ZBTB16: variants seen among roughly 807,000 people sequenced by gnomAD.
ZBTB16 encodes zinc finger and BTB domain-containing protein 16.
Under a neutral mutation model 56.8 loss-of-function variants are expected in ZBTB16, and 8 were observed. The ratio of observed to expected loss-of-function variants is 0.14; its 90% confidence interval spans 0.08 to 0.25. The LOEUF (loss-of-function observed/expected upper bound fraction) is 0.25. Ranked by LOEUF, ZBTB16 falls within the 10% of genes least tolerant of loss-of-function variation. ZBTB16 has a pLI of 1.00. For synonymous variants in ZBTB16, 363 were observed against 368.5 expected, an observed-to-expected ratio of 0.98 and a Z score of 0.17; for missense variants, 625 against 903.0, an observed-to-expected ratio of 0.69 and a Z score of 3.95.
At chr11:114,072,076 A>G (rs897384213) in intron 2 of ZBTB16, among the ~76,000 whole-genome samples, 1 of 152,216 alleles carries the variant, frequency 6.6e-6, no homozygotes, top group Non-Finnish European at 1.5e-5. Flanking sequence ...TTGCTAGGGT[A>G]TTTTTCTTGT....
chr11:114,101,492 G>A (rs188092693), intron 2 of ZBTB16, among the ~76,000 whole-genome samples: 323 of 152,200 alleles, frequency 2.1e-3, no homozygotes, highest in Non-Finnish European at 3.8e-3. Context: ...TTTTGTGAAG[G>A]GTTTGATATA....
At chr11:114,085,990 G>A (rs180881676) in intron 2 of ZBTB16, among the ~76,000 whole-genome samples, 3 of 152,292 alleles carry the variant, frequency 2.0e-5, no homozygotes, top group Admixed American at 2.0e-4. Context: ...GATGTCCTCA[G>A]CCTTCTACGT....
chr11:114,195,382 T>C (rs1249073174), intron 4 of ZBTB16, among the ~76,000 whole-genome samples: 1 of 152,094 alleles, frequency 6.6e-6, no homozygotes, highest in African/African-American at 2.4e-5. Context: ...GGGCCAGGGC[T>C]GGTCTGTGTG....
At chr11:114,207,224 G>A (rs995508709) in intron 4 of ZBTB16, among the ~76,000 whole-genome samples, 2 of 152,126 alleles carry the variant, frequency 1.3e-5, no homozygotes, top group African/African-American at 4.8e-5. Flanking sequence ...GCTACACAGT[G>A]AAATCATTTA....
At position 114,250,172 on chromosome 11, in the gene ZBTB16, C is replaced by T. The variant is rs1323955246; in HGVS notation, c.1793-154C>T. Among the ~76,000 whole-genome samples, 1 of 152,154 alleles carries T rather than the reference C, an allele frequency of 6.6e-6. No homozygotes were observed. The highest frequency in any genetic ancestry group is 1.5e-5 in the Non-Finnish European group (1 of 68,032). Reference sequence around the variant, plus strand: ...ATAGCCATGTGTGACTGGTGGCTGCCGTCTTGGGTGGTGCCTTCATTGTCC... The same window carrying T: ...ATAGCCATGTGTGACTGGTGGCTGCTGTCTTGGGTGGTGCCTTCATTGTCC... On this transcript the variant is annotated intron_variant, in intron 6 of 6. Coordinates refer to ENST00000335953, the MANE Select transcript of ZBTB16 (RefSeq NM_006006.6). This position sits in a 1 kb window ranked among gnomAD's most constrained non-coding sequence, Gnocchi z 6.0.
chr11:114,088,924 C>G (rs886103910), intron 2 of ZBTB16, among the ~76,000 whole-genome samples: 2 of 152,138 alleles, frequency 1.3e-5, no homozygotes, highest in Non-Finnish European at 2.9e-5. Context: ...GGGGCCCCCC[C>G]ACACAATGCC....
chr11:114,142,539 G>A (rs1016594420), intron 2 of ZBTB16, among the ~76,000 whole-genome samples: 2 of 152,226 alleles, frequency 1.3e-5, no homozygotes, highest in African/African-American at 2.4e-5. Flanking sequence ...CATAAATTTG[G>A]AATTTATCGC....
At chr11:114,234,299 A>T (rs1158234601) in intron 4 of ZBTB16, among the ~76,000 whole-genome samples, 2 of 152,208 alleles carry the variant, frequency 1.3e-5, no homozygotes, top group Non-Finnish European at 2.9e-5. Context: ...ATGTAACTGA[A>T]CGCCTCAGCA....
At chr11:114,142,030 T>C (rs184323660) in intron 2 of ZBTB16, among the ~76,000 whole-genome samples, 2 of 152,350 alleles carry the variant, frequency 1.3e-5, no homozygotes, top group African/African-American at 2.4e-5. Context: ...GATGATGTTA[T>C]GCTCTTGGCT....
chr11:114,171,991 AG>A (rs1390114398), intron 3 of ZBTB16, among the ~76,000 whole-genome samples: 1 of 152,254 alleles, frequency 6.6e-6, no homozygotes, highest in Non-Finnish European at 1.5e-5. Flanking sequence ...AAAGGGAGAC[AG>A]GAGCAGCAGG....
At chr11:114,077,382 C>T (rs538391513) in intron 2 of ZBTB16, among the ~76,000 whole-genome samples, 6 of 152,288 alleles carry the variant, frequency 3.9e-5, no homozygotes, top group African/African-American at 7.2e-5. Context: ...GGCCACCTCC[C>T]GCCTCTTTCC....
chr11:114,093,948 G>A (rs544978863), intron 2 of ZBTB16, among the ~76,000 whole-genome samples: 2 of 152,352 alleles, frequency 1.3e-5, no homozygotes, highest in Admixed American at 1.3e-4. Context: ...GTTTGGAATA[G>A]TGACAACGTC....
At chr11:114,234,287 A>G (rs1944517146) in intron 4 of ZBTB16, among the ~76,000 whole-genome samples, 1 of 152,236 alleles carries the variant, frequency 6.6e-6, no homozygotes, top group Non-Finnish European at 1.5e-5. Flanking sequence ...TGGTTTGGGA[A>G]GATGTAACTG....
chr11:114,139,901 A>G (rs112324561), intron 2 of ZBTB16, among the ~76,000 whole-genome samples: 28 of 152,194 alleles, frequency 1.8e-4, no homozygotes, highest in Non-Finnish European at 3.4e-4. Context: ...CTGTAGTACC[A>G]TATGTCAGGA....
intron 5 of ZBTB16, among the ~76,000 whole-genome samples, chr11:114,243,577 G>T (rs549347186): frequency 2.1e-4 from 32 of 152,210 alleles, no homozygotes; most frequent in Non-Finnish European, 4.1e-4. Flanking sequence ...CAGGACGGAG[G>T]TAGGGCCCAG....
chr11:114,194,953 T>C (rs934627264), intron 4 of ZBTB16, among the ~76,000 whole-genome samples: 5 of 152,234 alleles, frequency 3.3e-5, no homozygotes, highest in African/African-American at 1.2e-4. Flanking sequence ...GTAATATAAA[T>C]TGCTGCATCA....
rs529909187 is a variant in ZBTB16 at position 114,243,366 on chromosome 11, C to T, written c.1624+1029C>T. 2.6e-5 allele frequency among the ~76,000 whole-genome samples: 4 copies of T among 152,304 alleles called. No individual in the cohort carries two copies. In the South Asian group the frequency reaches 8.3e-4, roughly 32 times the overall value. The stretch of plus-strand genomic sequence containing the variant: ...ACAGCTCAGAGATTGAGTATGCAGA[C>T]CAGGTCTTGCATGGGTGGCAGGCTC... On this transcript the variant is annotated intron_variant, in intron 5 of 6. Coordinates refer to ENST00000335953, the MANE Select transcript of ZBTB16 (RefSeq NM_006006.6).
At chr11:114,171,301 T>G (rs910930586) in intron 3 of ZBTB16, among the ~76,000 whole-genome samples, 1 of 152,264 alleles carries the variant, frequency 6.6e-6, no homozygotes, top group East Asian at 1.9e-4. Context: ...GGGGATCTTT[T>G]CTAGCCCATA....
At chr11:114,171,803 C>G (rs897786033) in intron 3 of ZBTB16, among the ~76,000 whole-genome samples, 1 of 152,254 alleles carries the variant, frequency 6.6e-6, no homozygotes, top group African/African-American at 2.4e-5. Flanking sequence ...CTTCCTTCCT[C>G]CATCTCAACA....
Sources: gnomAD v4.1 joint callset for allele counts (sites outside exome capture counted in the v4.1 genomes callset) on GRCh38, gnomAD v4.1.1 for gene constraint, Gnocchi (gnomAD v3.1) non-coding constraint, MANE v1.5 for transcripts, NCBI Gene and HGNC (gene_info 2026-07-23, HGNC 2026-07-21) for gene names.